SLC4A4: variants seen among roughly 807,000 people sequenced by gnomAD.
SLC4A4 encodes solute carrier family 4 member 4.
In SLC4A4, 27 loss-of-function variants were observed where a neutral mutation model predicts 111.5. The observed-to-expected ratio is 0.24, with a 90% CI of 0.18 to 0.33. The LOEUF is 0.33. SLC4A4 is among the 10% of genes least tolerant of loss of function. The pLI is 1.00. For missense variants in SLC4A4, 909 were observed against 1,315.5 expected, an observed-to-expected ratio of 0.69 and a Z score of 4.78; for synonymous variants, 443 against 463.4, an observed-to-expected ratio of 0.96 and a Z score of 0.57.
intron 7 of SLC4A4, among the ~76,000 whole-genome samples, chr4:71,426,235 C>T (rs1019799941): frequency 2.0e-5 from 3 of 152,014 alleles, no homozygotes; most frequent in Non-Finnish European, 2.9e-5. Context: ...TGAGGCATGT[C>T]TTACCCCTCT....
At position 71,229,343 on chromosome 4, in the gene SLC4A4, A is replaced by G. The variant is rs183991015; in HGVS notation, c.-1-7233A>G. Among the ~76,000 whole-genome samples the G allele has an allele frequency of 3.9e-5, 6 of 152,206 alleles. No homozygotes were observed. In the East Asian group the frequency reaches 9.6e-4, roughly 24 times the overall value. ...GATTAATTCTGGACTTTTCTACTAT[A>G]CTTAAAGCTGCTGTAAACATTCATG... is the stretch of plus-strand genomic sequence containing the variant. On this transcript the variant is annotated intron_variant, in intron 1 of 25. Transcript: ENST00000264485.
chr4:71,310,655 C>G (rs1442114981), intron 3 of SLC4A4, among the ~76,000 whole-genome samples: 1 of 152,172 alleles, frequency 6.6e-6, no homozygotes, highest in Non-Finnish European at 1.5e-5. Context: ...CACCACCAGG[C>G]CTGCCTTACA....
chr4:71,400,280 A>G (rs1245456895), intron 7 of SLC4A4, among the ~76,000 whole-genome samples: 1 of 152,206 alleles, frequency 6.6e-6, no homozygotes, highest in East Asian at 1.9e-4. Flanking sequence ...ATGGCTTAAG[A>G]TGCATATTAC....
chr4:71,183,213 C>T (rs1421647684), upstream of SLC4A4, among the ~76,000 whole-genome samples: 4 of 152,134 alleles, frequency 2.6e-5, no homozygotes, highest in Non-Finnish European at 5.9e-5. Context: ...AGATAAGCTC[C>T]TGTTTTCAGA....
intron 6 of SLC4A4, among the ~76,000 whole-genome samples, chr4:71,363,254 G>A (rs550408719): frequency 9.8e-5 from 15 of 152,308 alleles, no homozygotes; most frequent in African/African-American, 3.6e-4. Context: ...AGGCTCCAGT[G>A]AAATATAAGT....
rs893213437 is a variant in SLC4A4, at chr4:71,320,134, C to T, written c.254-19236C>T. On this transcript the variant is annotated intron_variant, in intron 3 of 25. Coordinates refer to ENST00000264485, the MANE Select transcript of SLC4A4 (RefSeq NM_001098484.3). ...AAAACTTATTGGGAACAATCCCTTC[C>T]CCTTCCACACCACTTGCAAGCAACA... is the stretch of plus-strand genomic sequence containing the variant. 3.3e-5 allele frequency among the ~76,000 whole-genome samples: 5 copies of T among 151,996 alleles called. No homozygotes were observed. The East Asian group carries it at 9.7e-4, about 29-fold the overall frequency.
At chr4:71,452,184 C>T (rs1206041463) in intron 11 of SLC4A4, among the ~76,000 whole-genome samples, 1 of 151,914 alleles carries the variant, frequency 6.6e-6, no homozygotes, top group African/African-American at 2.4e-5. Context: ...CCTGATGACC[C>T]ACTTGGATTT....
chr4:71,546,630 G>T (rs765202313), intron 19 of SLC4A4, 102 bp downstream of exon 19: 9 of 985,602 alleles, frequency 9.1e-6, no homozygotes, highest in Non-Finnish European at 1.4e-5. Flanking sequence ...CAGGGCTTGT[G>T]ATGATTAATT....
intron 6 of SLC4A4, among the ~76,000 whole-genome samples, chr4:71,380,410 C>T (rs1335118715): frequency 6.6e-6 from 1 of 152,186 alleles, no homozygotes; most frequent in Admixed American, 6.5e-5. Flanking sequence ...TATTCCAGGT[C>T]TGTCTCTTTC....
chr4:71,293,718 A>T (rs1724563582), intron 3 of SLC4A4, among the ~76,000 whole-genome samples: 1 of 152,240 alleles, frequency 6.6e-6, no homozygotes, highest in Non-Finnish European at 1.5e-5. Flanking sequence ...CTGCAAGGTC[A>T]ATTCAGTAGT....
chr4:71,204,172 C>T (rs922750120), intron 1 of SLC4A4, among the ~76,000 whole-genome samples: 3 of 152,136 alleles, frequency 2.0e-5, no homozygotes, highest in African/African-American at 7.2e-5. Flanking sequence ...CAGTTTCCAA[C>T]AATAAACCTG....
chr4:71,318,243 T>C (rs780432924), intron 3 of SLC4A4, among the ~76,000 whole-genome samples: 1 of 152,054 alleles, frequency 6.6e-6, no homozygotes, highest in Non-Finnish European at 1.5e-5. Context: ...TAAATAGTAA[T>C]AGATTCAAGA....
At chr4:71,261,661 G>C (rs1721861825) in intron 3 of SLC4A4, among the ~76,000 whole-genome samples, 1 of 152,202 alleles carries the variant, frequency 6.6e-6, no homozygotes, top group African/African-American at 2.4e-5. Flanking sequence ...AGAGAGCCTT[G>C]AGTTTCTGAA....
rs758056071 is a variant in SLC4A4, at chr4:71,103,027, T to C, written c.-2+10235T>C. On this transcript the variant is annotated intron_variant, in intron 2 of 26. Transcript: ENST00000649996. Reference sequence around the variant, plus strand: ...CAGTGTGCTGTATTCAGGAAACCCATCTCACGTGCAGAGACACACATAGGC... The same window carrying C: ...CAGTGTGCTGTATTCAGGAAACCCACCTCACGTGCAGAGACACACATAGGC... Among the ~76,000 whole-genome samples, 862 of 150,002 alleles carry C rather than the reference T, an allele frequency of 5.7e-3. 7 individuals are homozygous for C. The highest frequency in any genetic ancestry group is 0.017 in the Middle Eastern group (5 of 286).
At chr4:71,358,834 A>G (rs1730511614) in intron 6 of SLC4A4, among the ~76,000 whole-genome samples, 1 of 152,164 alleles carries the variant, frequency 6.6e-6, no homozygotes, top group Middle Eastern at 3.2e-3. Context: ...TATTTTTGAA[A>G]TTATGGCAAT....
rs1486993977 is a variant in SLC4A4 at position 71,485,612 on chromosome 4, G to C, written c.1904-1336G>C. On this transcript the variant is annotated intron_variant, in intron 14 of 25. Coordinates refer to ENST00000264485, the MANE Select transcript of SLC4A4 (RefSeq NM_001098484.3). The stretch of plus-strand genomic sequence containing the variant: ...ATGTACTTGCTTTACTGCTGAAATA[G>C]AGAAACTCTGGCAACAGCTAGCTTT... Among the ~76,000 whole-genome samples, 12 of 151,592 alleles carry C rather than the reference G, an allele frequency of 7.9e-5. No homozygotes were observed. The East Asian group carries it at 2.3e-3, about 30-fold the overall frequency.
intron 3 of SLC4A4, among the ~76,000 whole-genome samples, chr4:71,262,057 G>A (rs374431311): frequency 2.0e-5 from 3 of 152,172 alleles, no homozygotes; most frequent in Non-Finnish European, 4.4e-5. Context: ...GCGGAAGGCA[G>A]GTCACATCCT....
chr4:71,442,066 C>T (rs1039789705), intron 8 of SLC4A4, among the ~76,000 whole-genome samples: 5 of 152,072 alleles, frequency 3.3e-5, no homozygotes, highest in South Asian at 2.1e-4. Context: ...ACTAACTTTA[C>T]TAGGGGTTGA....
chr4:71,260,963 C>A (rs992364760), intron 3 of SLC4A4, among the ~76,000 whole-genome samples: 4 of 152,190 alleles, frequency 2.6e-5, no homozygotes, highest in African/African-American at 9.7e-5. Flanking sequence ...ACAGGTAATG[C>A]CAAAAACTTG....
Sources: gnomAD v4.1 joint callset for allele counts (sites outside exome capture counted in the v4.1 genomes callset) on GRCh38, gnomAD v4.1.1 for gene constraint, MANE v1.5 for transcripts, NCBI Gene and HGNC (gene_info 2026-07-23, HGNC 2026-07-21) for gene names.